Variants in SH2D4A observed in about 807,000 individuals in gnomAD.
SH2D4A encodes SH2 domain containing 4A, also known as SH2 domain-containing protein 4A.
In SH2D4A, 70 loss-of-function variants were observed where a neutral mutation model predicts 64.7. The observed-to-expected ratio is 1.08, with a 90% CI of 0.89 to 1.32. The LOEUF is 1.32. Among genes scored for constraint, SH2D4A ranks in the 40% most tolerant of loss-of-function variants. The pLI is 0.00. For synonymous variants in SH2D4A, 268 were observed against 200.7 expected, an observed-to-expected ratio of 1.34 and a Z score of -2.83; for missense variants, 706 against 540.1, an observed-to-expected ratio of 1.31 and a Z score of -3.04.
In SH2D4A at chr8:19,333,162, T is replaced by A. The variant is rs368182294; in HGVS notation, c.341+48T>A. On this transcript the variant is annotated intron_variant, in intron 3 of 9. Transcript: ENST00000265807. ...AGAGACTTAAAGACTCTCCAGACTT[T>A]AGAAAACATTGCAAACACACCTCTT... The A allele has an allele frequency of 6.9e-5, 107 of 1,558,640 alleles. No individual in the cohort carries two copies. The African/African-American group carries it at 1.3e-3, about 20-fold the overall frequency.
intron 2 of SH2D4A, among the ~76,000 whole-genome samples, chr8:19,325,862 AG>A (rs1293124864): frequency 6.6e-6 from 1 of 152,256 alleles, no homozygotes; most frequent in Non-Finnish European, 1.5e-5. Context: ...GAATCATTTC[AG>A]GAAGTTCTGA....
intron 7 of SH2D4A, among the ~76,000 whole-genome samples, chr8:19,366,733 T>A (rs1270771183): frequency 1.3e-5 from 2 of 151,144 alleles, no homozygotes; most frequent in Non-Finnish European, 3.0e-5. Context: ...CGAAGGCTGT[T>A]GTGAGCCAAG....
At chr8:19,350,944 T>C (rs1416314297) in intron 4 of SH2D4A, among the ~76,000 whole-genome samples, 1 of 152,230 alleles carries the variant, frequency 6.6e-6, no homozygotes, top group Non-Finnish European at 1.5e-5. Context: ...TCCTAATTCA[T>C]GTGTCAGTAA....
At chr8:19,331,195 T>G (rs1314471121) in intron 2 of SH2D4A, among the ~76,000 whole-genome samples, 1 of 152,230 alleles carries the variant, frequency 6.6e-6, no homozygotes, top group Non-Finnish European at 1.5e-5. Context: ...GCTTTGGTAA[T>G]GTATCCCAAG....
intron 1 of SH2D4A, among the ~76,000 whole-genome samples, chr8:19,315,685 T>C (rs990534730): frequency 2.0e-5 from 3 of 152,230 alleles, no homozygotes; most frequent in African/African-American, 7.2e-5. Flanking sequence ...AGCTGAGCTA[T>C]TCCTTTGTTG....
At chr8:19,326,075 A>G (rs1488400525) in intron 2 of SH2D4A, among the ~76,000 whole-genome samples, 1 of 152,170 alleles carries the variant, frequency 6.6e-6, no homozygotes, top group African/African-American at 2.4e-5. Flanking sequence ...TTCAGTTTGG[A>G]CTGTATGAGG....
intron 8 of SH2D4A, among the ~76,000 whole-genome samples, chr8:19,382,703 G>A (rs1419056837): frequency 6.6e-6 from 1 of 151,782 alleles, no homozygotes; most frequent in Non-Finnish European, 1.5e-5. Flanking sequence ...CATCTTTATT[G>A]GCCCACTGCT....
chr8:19,365,628 A>G (rs1477489476), intron 7 of SH2D4A, among the ~76,000 whole-genome samples: 2 of 152,336 alleles, frequency 1.3e-5, no homozygotes, highest in South Asian at 2.1e-4. Context: ...ATTGACAGCA[A>G]TGAAGGTGGT....
Position 19,313,793 on chromosome 8 carries a change from G to C in SH2D4A, c.-235G>C, listed in dbSNP as rs768149406. On this transcript the variant is annotated 5_prime_UTR_variant, in exon 1 of 10. Transcript: ENST00000265807. ...GGCCAAGTGGATGTGGCGGGTGATC[G>C]AGCCACCCTGCCCAGGGGCGCCCAG... The C allele has an allele frequency of 3.3e-6, 5 of 1,511,788 alleles. No individual in the cohort carries two copies. Among genetic ancestry groups the C allele is most frequent in the Admixed American group, 2.0e-5 (1 of 49,102 alleles). The allele number at this position is 1,511,788 out of a possible 1,614,324, so 93.6% of individuals were successfully genotyped here.
intron 4 of SH2D4A, among the ~76,000 whole-genome samples, chr8:19,337,593 C>T (rs1339782218): frequency 6.6e-6 from 1 of 152,072 alleles, no homozygotes; most frequent in Non-Finnish European, 1.5e-5. Flanking sequence ...AAGACATACC[C>T]AAGATTGGGC....
intron 4 of SH2D4A, among the ~76,000 whole-genome samples, chr8:19,335,333 G>C (rs1231025313): frequency 6.6e-6 from 1 of 151,990 alleles, no homozygotes; most frequent in Admixed American, 6.6e-5. Flanking sequence ...TCACTTGGGG[G>C]ATTTACCTTC....
intron 7 of SH2D4A, among the ~76,000 whole-genome samples, chr8:19,371,590 A>G (rs988245941): frequency 1.3e-5 from 2 of 151,508 alleles, no homozygotes; most frequent in South Asian, 2.1e-4. Flanking sequence ...CGATCATCCT[A>G]TGCTTGGCTA....
chr8:19,338,723 A>G (rs2052482118), intron 4 of SH2D4A, among the ~76,000 whole-genome samples: 1 of 152,188 alleles, frequency 6.6e-6, no homozygotes, highest in African/African-American at 2.4e-5. Context: ...ATGTTGGCCC[A>G]AGGTTGGGTC....
chr8:19,370,637 A>G (rs2153649642), intron 7 of SH2D4A, among the ~76,000 whole-genome samples: 1 of 152,162 alleles, frequency 6.6e-6, no homozygotes, highest in South Asian at 2.1e-4. Context: ...TTACAGGTGA[A>G]GTTAGCCCCT....
intron 4 of SH2D4A, among the ~76,000 whole-genome samples, chr8:19,338,430 G>A (rs2052476778): frequency 6.6e-6 from 1 of 152,196 alleles, no homozygotes. Flanking sequence ...CTGCCTCTGG[G>A]ACCATGGTTA....
chr8:19,393,954 T>G (rs1455805251), intron 9 of SH2D4A, among the ~76,000 whole-genome samples: 1 of 152,186 alleles, frequency 6.6e-6, no homozygotes, highest in African/African-American at 2.4e-5. Flanking sequence ...TATTACATTG[T>G]TATATATAAT....
intron 4 of SH2D4A, among the ~76,000 whole-genome samples, chr8:19,341,292 T>G (rs2052525108): frequency 6.6e-6 from 1 of 152,206 alleles, no homozygotes; most frequent in South Asian, 2.1e-4. Context: ...CTACAGTTTA[T>G]TTTAACTCTA....
chr8:19,338,662 A>G (rs1023530472), intron 4 of SH2D4A, among the ~76,000 whole-genome samples: 3 of 152,194 alleles, frequency 2.0e-5, no homozygotes, highest in Non-Finnish European at 2.9e-5. Flanking sequence ...GAGGCAAGGA[A>G]TCGGATTCTC....
At chr8:19,333,480 A>G (rs2052396201) in intron 3 of SH2D4A, among the ~76,000 whole-genome samples, 1 of 152,138 alleles carries the variant, frequency 6.6e-6, no homozygotes, top group Non-Finnish European at 1.5e-5. Context: ...ATGTTAGAGC[A>G]ATGCAGGCCG....
Sources: allele counts gnomAD v4.1 joint callset (sites outside exome capture counted in the v4.1 genomes callset), GRCh38; gene constraint gnomAD v4.1.1; transcripts MANE v1.5; gene names NCBI Gene and HGNC (gene_info 2026-07-23, HGNC 2026-07-21).